TXNRD3: variants seen among roughly 807,000 people sequenced by gnomAD.
TXNRD3 encodes the protein TXNRD3 neighbor gene protein.
TXNRD3 carries 68 observed loss-of-function variants against 78.2 expected under a neutral mutation model. That is an observed-to-expected ratio of 0.87 (90% CI 0.72 to 1.06). TXNRD3 has a LOEUF of 1.06. TXNRD3 is among the 50% of genes least tolerant of loss of function. The pLI, the probability that TXNRD3 is intolerant of heterozygous loss-of-function variation, is 0.00. For missense variants in TXNRD3, 751 were observed against 809.5 expected (o/e 0.93, Z 0.88); for synonymous variants, 296 against 300.1 (o/e 0.99, Z 0.14).
intron 3 of TXNRD3, among the ~76,000 whole-genome samples, chr3:126,645,146 G>C (rs892394253): frequency 2.6e-5 from 4 of 152,168 alleles, no homozygotes; most frequent in Admixed American, 6.5e-5. Flanking sequence ...CAAATGCCAT[G>C]TGTCCCCATG....
chr3:126,621,885 G>A lies in TXNRD3; in HGVS notation c.1381C>T (p.Pro461Ser). ...TTGGTCTGTTCCACATCATTTACAG[G>A]TATTTTTCCACTCCTATTAGTTTTT... Residue 461 changes from proline (P) to serine (S), a missense_variant, in exon 12 of 16, where the codon CCT becomes TCT. Physicochemically the swap from Pro to Ser is moderately conservative, Grantham distance 74. Transcript: ENST00000524230. 1.1e-5 allele frequency: 17 copies of A among 1,508,594 alleles called. No homozygotes were observed. Among genetic ancestry groups the A allele is most frequent in the Non-Finnish European group, 1.5e-5 (17 of 1,137,694 alleles). 93.5% of individuals were successfully genotyped at this position (1,508,594 alleles called of 1,614,324 possible). A position where few individuals can be genotyped will look rare whatever the true frequency, so the allele number is the denominator to read the frequency against.
At chr3:126,631,059 A>G in intron 8 of TXNRD3, 122 bp from the exon 9 acceptor site, 1 of 997,288 alleles carries the variant, frequency 1.0e-6, no homozygotes, top group Non-Finnish European at 1.4e-6. Context: ...ATGAAGCAAC[A>G]GCCTTTTGAA....
At chr3:126,616,654 T>C (rs537319762) in intron 12 of TXNRD3, among the ~76,000 whole-genome samples, 2 of 152,218 alleles carry the variant, frequency 1.3e-5, no homozygotes, top group East Asian at 1.9e-4. Flanking sequence ...AGCCCTAGTA[T>C]AGTTCTTTTT....
intron 6 of TXNRD3, among the ~76,000 whole-genome samples, chr3:126,636,056 C>T (rs966438407): frequency 3.9e-5 from 6 of 152,106 alleles, no homozygotes; most frequent in African/African-American, 1.2e-4. Flanking sequence ...CTCAGCCTTT[C>T]GAGTAGCTGG....
chr3:126,633,272 G>A (rs890000557), intron 7 of TXNRD3, among the ~76,000 whole-genome samples: 4 of 152,052 alleles, frequency 2.6e-5, no homozygotes, highest in African/African-American at 9.7e-5. Context: ...GCTTTAAATG[G>A]ACCATACCTC....
Position 126,630,769 on chromosome 3 carries a change from C to T in TXNRD3, c.1140G>A (p.Val380=), listed in dbSNP as rs199507338. 4.1e-4 allele frequency: 633 copies of T among 1,534,606 alleles called. 2 individuals carry two copies. The highest frequency in any genetic ancestry group is 3.5e-3 in the Middle Eastern group (17 of 4,810). ...CACCATGCTGCTCCATGTAGGAACC[C>T]ACTTTTTCTGCCATTTCTTGGTCGA... The change falls in exon 9 of 16, where the codon GTG becomes GTA. Residue 380 remains valine, a synonymous_variant. Transcript: ENST00000524230.
At chr3:126,608,729 C>T in intron 14 of TXNRD3, 96 bp from the exon 15 acceptor site, 2 of 1,307,638 alleles carry the variant, frequency 1.5e-6, no homozygotes, top group South Asian at 3.6e-5. Context: ...TATACAGTAT[C>T]TACTACAGAA....
At chr3:126,626,699 G>A (rs965816952) in intron 10 of TXNRD3, among the ~76,000 whole-genome samples, 2 of 152,046 alleles carry the variant, frequency 1.3e-5, no homozygotes, top group African/African-American at 4.8e-5. Context: ...AATACAAAAT[G>A]GCATAATCAT....
chr3:126,653,885 A>C (rs1933446265), intron 1 of TXNRD3, among the ~76,000 whole-genome samples: 2 of 152,230 alleles, frequency 1.3e-5, no homozygotes, highest in South Asian at 4.1e-4. Context: ...ACTAACATGC[A>C]TGAATCTCTG....
chr3:126,637,932 C>CTCTTTTTTTTTTTTTTTTTTTTT (rs1444254294), intron 6 of TXNRD3, among the ~76,000 whole-genome samples: 2 of 60,192 alleles, frequency 3.3e-5, no homozygotes, highest in Non-Finnish European at 5.7e-5. Context: ...ATTTCTCTCT[C>CTCTTTTTTTTTTTTTTTTTTTTT]TTTTTTTTTT....
intron 8 of TXNRD3, 75 bp from the exon 9 acceptor site, chr3:126,631,012 T>C: frequency 7.9e-6 from 11 of 1,383,998 alleles, no homozygotes; most frequent in Non-Finnish European, 9.7e-6. Flanking sequence ...CAGTGTATAA[T>C]GGTCTTGTGA....
At chr3:126,624,314 T>C (rs1047046779) in intron 10 of TXNRD3, among the ~76,000 whole-genome samples, 1 of 152,132 alleles carries the variant, frequency 6.6e-6, no homozygotes, top group Non-Finnish European at 1.5e-5. Context: ...CTACCTGATC[T>C]AAGACTTACC....
At chr3:126,650,830 C>A (rs1384944742) in intron 1 of TXNRD3, among the ~76,000 whole-genome samples, 1 of 152,156 alleles carries the variant, frequency 6.6e-6, no homozygotes, top group Non-Finnish European at 1.5e-5. Context: ...TCTCAAGGAC[C>A]AGCTTACATG....
At chr3:126,635,912 C>T (rs1362322071) in intron 6 of TXNRD3, among the ~76,000 whole-genome samples, 1 of 151,980 alleles carries the variant, frequency 6.6e-6, no homozygotes, top group Admixed American at 6.6e-5. Context: ...CATAAACACA[C>T]ACACATATAT....
At chr3:126,647,397 G>A (rs891442649) in intron 1 of TXNRD3, 101 bp from the exon 2 acceptor site, 1 of 856,556 alleles carries the variant, frequency 1.2e-6, no homozygotes, top group Non-Finnish European at 1.8e-6. Context: ...TGTTCTGGAG[G>A]AACAGGAGTT....
chr3:126,614,837 T>C (rs1450198257), intron 13 of TXNRD3, among the ~76,000 whole-genome samples: 1 of 152,212 alleles, frequency 6.6e-6, no homozygotes, highest in Non-Finnish European at 1.5e-5. Flanking sequence ...TCCCTCCTAG[T>C]TGGGAGAGTA....
chr3:126,655,003 G>C lies in TXNRD3; in HGVS notation c.-13C>G, dbSNP rs1933482706. The C allele has an allele frequency of 1.5e-6, 2 of 1,290,896 alleles. No homozygotes were observed. Among genetic ancestry groups the C allele is most frequent in the Non-Finnish European group, 2.0e-6 (2 of 1,022,036 alleles). 80.0% of individuals were successfully genotyped at this position (1,290,896 alleles called of 1,614,324 possible). On this transcript the variant is annotated 5_prime_UTR_variant, in exon 1 of 16. Coordinates refer to ENST00000524230, the MANE Select transcript of TXNRD3 (RefSeq NM_052883.3). Reference sequence around the variant, plus strand: ...GCGACCGCTCCAGAGTCTCGCTCTCGCTCCTGGCCCGGCCGGGCCTGCTCA... The same window carrying C: ...GCGACCGCTCCAGAGTCTCGCTCTCCCTCCTGGCCCGGCCGGGCCTGCTCA...
chr3:126,613,890 A>G (rs1938249814), intron 13 of TXNRD3, among the ~76,000 whole-genome samples: 1 of 152,248 alleles, frequency 6.6e-6, no homozygotes, highest in Admixed American at 6.5e-5. Context: ...CCTTCAACTT[A>G]TAAATTAACT....
intron 6 of TXNRD3, among the ~76,000 whole-genome samples, chr3:126,640,858 A>T (rs1933059878): frequency 6.6e-6 from 1 of 151,162 alleles, no homozygotes; most frequent in Non-Finnish European, 1.5e-5. Context: ...AAAATGGAGT[A>T]ACTTGTGTAA....
Sources: gnomAD v4.1 joint callset for allele counts (sites outside exome capture counted in the v4.1 genomes callset) on GRCh38, gnomAD v4.1.1 for gene constraint, MANE v1.5 for transcripts, NCBI Gene and HGNC (gene_info 2026-07-23, HGNC 2026-07-21) for gene names.